Variants in SRGAP1 observed in about 807,000 individuals in gnomAD.
SRGAP1 encodes the protein SLIT-ROBO Rho GTPase activating protein 1.
A neutral mutation model predicts 121.9 loss-of-function variants in SRGAP1; 43 were observed. The ratio of observed to expected loss-of-function variants is 0.35; its 90% confidence interval spans 0.28 to 0.46. SRGAP1 has a LOEUF of 0.46. Ranked by LOEUF, SRGAP1 falls within the 20% of genes least tolerant of loss-of-function variation. The probability of loss-of-function intolerance (pLI) is 1.00; values close to 1 mark genes in which losing one functional copy is unlikely to be tolerated. For synonymous variants in SRGAP1, 447 were observed against 485.4 expected, an observed-to-expected ratio of 0.92 and a Z score of 1.04; for missense variants, 1,102 against 1,350.9, an observed-to-expected ratio of 0.82 and a Z score of 2.89.
At chr12:63,954,430 G>A (rs995877190) in intron 1 of SRGAP1, among the ~76,000 whole-genome samples, 3 of 152,168 alleles carry the variant, frequency 2.0e-5, no homozygotes, top group Non-Finnish European at 2.9e-5. Context: ...TGTAATCCCA[G>A]CACTTTGGGA....
intron 1 of SRGAP1, among the ~76,000 whole-genome samples, chr12:63,969,777 G>C (rs560252948): frequency 6.6e-6 from 1 of 151,310 alleles, no homozygotes; most frequent in Non-Finnish European, 1.5e-5. Context: ...CTGGGTGACA[G>C]AGCGAGACTC....
chr12:63,938,743 T>G (rs1363256800), intron 1 of SRGAP1, among the ~76,000 whole-genome samples: 2 of 147,812 alleles, frequency 1.4e-5, no homozygotes, highest in Non-Finnish European at 3.0e-5. Context: ...GTTTTTAGGT[T>G]TTTTTTTTTT....
At chr12:63,898,075 T>G (rs557651599) in intron 1 of SRGAP1, among the ~76,000 whole-genome samples, 8 of 152,320 alleles carry the variant, frequency 5.3e-5, no homozygotes, top group African/African-American at 1.9e-4. Context: ...TCTAACCAGT[T>G]TATCCTGCAA....
chr12:64,079,103 A>G lies in SRGAP1; in HGVS notation c.1310A>G (p.Gln437Arg), dbSNP rs1305000878. The G allele has an allele frequency of 1.9e-6, 3 of 1,613,174 alleles. No homozygotes were observed. Among genetic ancestry groups the G allele is most frequent in the Non-Finnish European group, 2.5e-6 (3 of 1,179,910 alleles). The change falls in exon 9 of 22, where the codon CAG becomes CGG. Residue 437 changes from glutamine to arginine, a missense_variant. Transcript: ENST00000355086. The stretch of plus-strand genomic sequence containing the variant: ...AGAGCCAACCAGCAGGAAACTGAAC[A>G]GTTCTACTTCATGGTGTGCCCGCCA... ...KRRANQQETE[Q>R]FYFMKLREYL... is the part of the protein sequence containing the mutation.
At chr12:63,906,804 TA>T (rs2030233699) in intron 1 of SRGAP1, among the ~76,000 whole-genome samples, 1 of 152,162 alleles carries the variant, frequency 6.6e-6, no homozygotes, top group Non-Finnish European at 1.5e-5. Flanking sequence ...ATTTGAGAAA[TA>T]CTGTTTAGGC....
chr12:64,080,484 G>A (rs1444081404), intron 10 of SRGAP1, 114 bp downstream of exon 10: 5 of 940,736 alleles, frequency 5.3e-6, no homozygotes, highest in Non-Finnish European at 8.5e-6. Context: ...AGGACACTCT[G>A]TGTTTAGATT....
chr12:63,850,413 T>C (rs979345663), intron 1 of SRGAP1, among the ~76,000 whole-genome samples: 1 of 140,790 alleles, frequency 7.1e-6, no homozygotes, highest in Non-Finnish European at 1.5e-5. Context: ...GGTTTTAGAG[T>C]CTTTGTAAAT....
At position 64,072,106 on chromosome 12, in the gene SRGAP1, C is replaced by CTGTGTGTGTGTG. The variant is rs1212999220; in HGVS notation, c.1126-6812_1126-6811insGTGTGTGTGTGT. Among the ~76,000 whole-genome samples, 279 of 37,722 alleles carry CTGTGTGTGTGTG rather than the reference C, an allele frequency of 7.4e-3. 1 individual carries two copies. The highest frequency in any genetic ancestry group is 0.012 in the African/African-American group (182 of 14,714). 24.7% of individuals were successfully genotyped at this position (37,722 alleles called of 152,430 possible). On this transcript the variant is annotated intron_variant, in intron 8 of 21. Transcript: ENST00000355086. Reference sequence around the variant, plus strand: ...TAATTACGGAGTTGACCCAATCTCTCTCTGTGTGTGTGTGTGTGTGTGTGT... The same window carrying CTGTGTGTGTGTG: ...TAATTACGGAGTTGACCCAATCTCTCTGTGTGTGTGTGTCTGTGTGTGTGTGTGTGTGTGTGT...
intron 1 of SRGAP1, among the ~76,000 whole-genome samples, chr12:63,898,155 A>G (rs1900815869): frequency 6.6e-6 from 1 of 152,224 alleles, no homozygotes; most frequent in Admixed American, 6.5e-5. Context: ...AGCACACAAA[A>G]TGAAAAGCTG....
intron 1 of SRGAP1, among the ~76,000 whole-genome samples, chr12:63,889,882 TG>T (rs1228931943): frequency 2.0e-5 from 3 of 151,712 alleles, no homozygotes; most frequent in African/African-American, 4.9e-5. Context: ...CATTCCAGCC[TG>T]GGTGACAGAG....
intron 8 of SRGAP1, among the ~76,000 whole-genome samples, chr12:64,074,242 C>G (rs1279261294): frequency 6.6e-6 from 1 of 152,144 alleles, no homozygotes; most frequent in African/African-American, 2.4e-5. Context: ...ACTAGGGTCT[C>G]CTGACTAACT....
intron 3 of SRGAP1, among the ~76,000 whole-genome samples, chr12:63,993,728 A>G (rs2033619952): frequency 6.6e-6 from 1 of 152,172 alleles, no homozygotes. Context: ...AAATGGATAT[A>G]ATAATCAAGA....
At chr12:64,049,393 C>G (rs2035194378) in intron 6 of SRGAP1, among the ~76,000 whole-genome samples, 1 of 152,192 alleles carries the variant, frequency 6.6e-6, no homozygotes, top group Non-Finnish European at 1.5e-5. Context: ...AGGAAACTTA[C>G]AATCATGGTG....
intron 18 of SRGAP1, among the ~76,000 whole-genome samples, chr12:64,120,145 TCTGG>T (rs1390460728): frequency 7.2e-5 from 11 of 152,294 alleles, no homozygotes; most frequent in African/African-American, 1.7e-4. Context: ...TTTTATAGTC[TCTGG>T]CTATTTATTC....
intron 12 of SRGAP1, chr12:64,091,900 C>T (rs2036059703): frequency 5.9e-6 from 9 of 1,535,698 alleles, no homozygotes; most frequent in Non-Finnish European, 7.8e-6. Context: ...TAGCCGAGGA[C>T]GAAGAAACTC....
rs1379497714 is a variant in SRGAP1, at chr12:63,963,469, A to G, written c.68-20478A>G. On this transcript the variant is annotated intron_variant, in intron 1 of 21. Coordinates refer to ENST00000355086, the MANE Select transcript of SRGAP1 (RefSeq NM_020762.4). Reference sequence around the variant, plus strand: ...ACATGAGATATTTTGATATGTGTGTACAATGTAGACTGATAAAATCAGAGT... The same window carrying G: ...ACATGAGATATTTTGATATGTGTGTGCAATGTAGACTGATAAAATCAGAGT... Among the ~76,000 whole-genome samples, 6 of 152,356 alleles carry G rather than the reference A, an allele frequency of 3.9e-5. No individual in the cohort carries two copies. The East Asian group carries it at 9.6e-4, about 24-fold the overall frequency.
At chr12:63,886,051 A>T (rs61937060) in intron 1 of SRGAP1, among the ~76,000 whole-genome samples, 7,308 of 152,270 alleles carry the variant, frequency 0.048, 275 homozygotes, top group Middle Eastern at 0.14. Context: ...AAAATATAGT[A>T]TAATCAAAAT....
intron 1 of SRGAP1, among the ~76,000 whole-genome samples, chr12:63,962,389 T>C (rs1266568688): frequency 1.3e-5 from 2 of 152,130 alleles, no homozygotes; most frequent in African/African-American, 4.8e-5. Flanking sequence ...CCTTGACCAA[T>C]GGTTTGGTGA....
In SRGAP1 at chr12:64,023,254, G is replaced by A. The variant is rs549177424; in HGVS notation, c.489+6242G>A. Among the ~76,000 whole-genome samples the A allele has an allele frequency of 1.9e-4, 27 of 143,242 alleles. No homozygotes were observed. The South Asian group carries it at 4.7e-3, about 25-fold the overall frequency. The allele number at this position is 143,242 out of a possible 152,430, so 94.0% of individuals were successfully genotyped here. ...GAAGGTAACTTCCCTAAGAAACTAC[G>A]TTGATAGTAAATGTTAACAGGGCTG... On this transcript the variant is annotated intron_variant, in intron 4 of 21. Coordinates refer to ENST00000355086, the MANE Select transcript of SRGAP1 (RefSeq NM_020762.4).
Sources: allele counts gnomAD v4.1 joint callset (sites outside exome capture counted in the v4.1 genomes callset), GRCh38; gene constraint gnomAD v4.1.1; transcripts MANE v1.5; gene names NCBI Gene and HGNC (gene_info 2026-07-23, HGNC 2026-07-21).